ADCK2: variants seen among roughly 807,000 people sequenced by gnomAD.
The protein encoded by ADCK2 is uncharacterized aarF domain-containing protein kinase 2.
A neutral mutation model predicts 52.3 loss-of-function variants in ADCK2; 37 were observed. That is an observed-to-expected ratio of 0.71 (90% CI 0.54 to 0.93). The LOEUF (loss-of-function observed/expected upper bound fraction) is 0.93. Ranked by LOEUF, ADCK2 falls within the 40% of genes least tolerant of loss-of-function variation. The pLI, the probability that ADCK2 is intolerant of heterozygous loss-of-function variation, is 0.00. For missense variants in ADCK2, 695 were observed against 798.7 expected, an observed-to-expected ratio of 0.87 and a Z score of 1.56; for synonymous variants, 321 against 349.2, an observed-to-expected ratio of 0.92 and a Z score of 0.90.
chr7:140,690,110 T>A (rs1234736771), intron 6 of ADCK2, among the ~76,000 whole-genome samples: 2 of 152,216 alleles, frequency 1.3e-5, no homozygotes, highest in Admixed American at 1.3e-4. Context: ...GTGACTGTTT[T>A]ATCCCCAAGT....
rs932557927 is a variant in ADCK2 at position 140,690,800 on chromosome 7, T to C, written c.1727T>C (p.Leu576Pro). The change falls in exon 7 of 8, where the codon CTG becomes CCG. Residue 576 changes from leucine to proline, a missense_variant. Transcript: ENST00000072869. Reference protein sequence around the residue: ...SSLLSSVFKLLMTHKVKLESN... With the variant: ...SSLLSSVFKLPMTHKVKLESN... ...CTTCTCTCTAGTGTCTTTAAGTTGCTGATGACTCACAAGGTGAGGGCCATT... is the reference window on the plus strand; with the variant it reads ...CTTCTCTCTAGTGTCTTTAAGTTGCCGATGACTCACAAGGTGAGGGCCATT... The C allele has an allele frequency of 6.2e-7, 1 of 1,613,674 alleles. No individual in the cohort carries two copies. The highest frequency in any genetic ancestry group is 1.3e-5 in the African/African-American group (1 of 74,860).
intron 4 of ADCK2, among the ~76,000 whole-genome samples, chr7:140,682,748 A>G (rs1321749467): frequency 6.6e-6 from 1 of 150,482 alleles, no homozygotes; most frequent in African/African-American, 2.4e-5. Flanking sequence ...CCAGCACTTC[A>G]GGAGGCTGAG....
rs1794355451 is a variant in ADCK2 at position 140,674,410 on chromosome 7, G to C, written c.933+147G>C. On this transcript the variant is annotated intron_variant, in intron 1 of 7. Transcript: ENST00000072869. This position sits in a 1 kb window ranked among gnomAD's most constrained non-coding sequence, Gnocchi z 4.6. ...TTCATGCAAGCTGTTTCATTTATTGGCTTGAAGTGGCGGTGTGAATAGTCT... is the reference window on the plus strand; with the variant it reads ...TTCATGCAAGCTGTTTCATTTATTGCCTTGAAGTGGCGGTGTGAATAGTCT... The C allele has an allele frequency of 3.6e-6, 4 of 1,119,828 alleles. No individual in the cohort carries two copies. The highest frequency in any genetic ancestry group is 5.0e-6 in the Non-Finnish European group (4 of 807,784). 69.4% of individuals were successfully genotyped at this position (1,119,828 alleles called of 1,614,324 possible). A position where few individuals can be genotyped will look rare whatever the true frequency, so the allele number is the denominator to read the frequency against.
intron 4 of ADCK2, among the ~76,000 whole-genome samples, chr7:140,685,451 G>GAA (rs5887982): frequency 1.5e-5 from 2 of 134,546 alleles, no homozygotes; most frequent in Admixed American, 7.6e-5. Flanking sequence ...CTCAGTCTCA[G>GAA]AAAAAAAAAA....
rs1794763301 is a variant in ADCK2, at chr7:140,694,583, G to A, written c.1741-80G>A. ...GGCAGGTCTGAGGGAGGCTGAGAGT[G>A]GACAGCAAGGTGATTATCCAGAACA... is the stretch of plus-strand genomic sequence containing the variant. On this transcript the variant is annotated intron_variant, in intron 7 of 7. Coordinates refer to ENST00000072869, the MANE Select transcript of ADCK2 (RefSeq NM_052853.4). The A allele has an allele frequency of 5.0e-6, 7 of 1,404,440 alleles. 1 individual carries two copies. In the Middle Eastern group the frequency reaches 5.4e-4, roughly 109 times the overall value. The allele number at this position is 1,404,440 out of a possible 1,614,324, so 87.0% of individuals were successfully genotyped here.
rs1016008666 is a variant in ADCK2 at position 140,673,134 on chromosome 7, C to A, written c.-197C>A. On this transcript the variant is annotated 5_prime_UTR_variant, in exon 1 of 8. Coordinates refer to ENST00000072869, the MANE Select transcript of ADCK2 (RefSeq NM_052853.4). This position sits in a 1 kb window ranked among gnomAD's most constrained non-coding sequence, Gnocchi z 6.4. ...GCCCCTTCCGCGCGGCGCGGCGCGG[C>A]GCGGCGGGTGTCGGGCGGGGCGCGG... The A allele has an allele frequency of 6.0e-5, 18 of 298,042 alleles. No individual in the cohort carries two copies. Among genetic ancestry groups the A allele is most frequent in the African/African-American group, 3.6e-4 (16 of 44,208 alleles). The allele number at this position is 298,042 out of a possible 1,614,324, so 18.5% of individuals were successfully genotyped here.
chr7:140,690,036 G>C (rs796184072), intron 6 of ADCK2, among the ~76,000 whole-genome samples: 3 of 152,108 alleles, frequency 2.0e-5, no homozygotes, highest in African/African-American at 7.2e-5. Context: ...TGCCCAATGC[G>C]CATGTCCCTT....
In ADCK2 at chr7:140,673,951, C is replaced by G. The variant is rs768817660; in HGVS notation, c.621C>G (p.Gly207=). The G allele has an allele frequency of 6.2e-7, 1 of 1,614,018 alleles. No individual in the cohort carries two copies. The highest frequency in any genetic ancestry group is 1.1e-5 in the South Asian group (1 of 91,088). The change falls in exon 1 of 8, where the codon GGC becomes GGG. Residue 207 remains glycine, a synonymous_variant. Coordinates refer to ENST00000072869, the MANE Select transcript of ADCK2 (RefSeq NM_052853.4). The surrounding 1 kb of genome is among the most constrained non-coding windows in gnomAD (Gnocchi z 6.4). ...ILSFENREPV[G]SGCVAQVYKA... ...CTTTTGAGAACCGGGAACCTGTGGGCTCAGGCTGCGTGGCCCAGGTGTACA... is the reference window on the plus strand; with the variant it reads ...CTTTTGAGAACCGGGAACCTGTGGGGTCAGGCTGCGTGGCCCAGGTGTACA...
At position 140,679,276 on chromosome 7, in the gene ADCK2, C is replaced by T. The variant is rs376247400; in HGVS notation, c.1202C>T (p.Thr401Met). The T allele has an allele frequency of 2.5e-6, 4 of 1,613,856 alleles. No homozygotes were observed. Among genetic ancestry groups the T allele is most frequent in the African/African-American group, 1.3e-5 (1 of 74,974 alleles). Residue 401 changes from threonine to methionine, a missense_variant, in exon 3 of 8, where the codon ACG (threonine) becomes ATG (methionine). Thr to Met is a moderately conservative substitution (Grantham distance 81). Coordinates refer to ENST00000072869, the MANE Select transcript of ADCK2 (RefSeq NM_052853.4). Reference protein sequence around the residue: ...PFVTREVLVETYEESVPVSSY... With the variant: ...PFVTREVLVEMYEESVPVSSY... The stretch of plus-strand genomic sequence containing the variant: ...GTCACCAGAGAAGTCTTGGTGGAAA[C>T]GTATGAAGTAAGAGTGATGGCTTTG...
Position 140,693,501 on chromosome 7 carries a change from GT to G in ADCK2, c.1741-1159del, listed in dbSNP as rs1162083174. ...AAAAAGCAGATTCCTGTTCTTCTAG[GT>G]TTACATCTGGCTCTATTCCTCCTCA... On this transcript the variant is annotated intron_variant, in intron 7 of 7. Coordinates refer to ENST00000072869, the MANE Select transcript of ADCK2 (RefSeq NM_052853.4). This position sits in a 1 kb window ranked among gnomAD's most constrained non-coding sequence, Gnocchi z 4.0. Among the ~76,000 whole-genome samples, 2 of 152,100 alleles carry G rather than the reference GT, an allele frequency of 1.3e-5. No individual in the cohort carries two copies. Among genetic ancestry groups the G allele is most frequent in the Non-Finnish European group, 2.9e-5 (2 of 68,032 alleles).
Position 140,674,280 on chromosome 7 carries a change from C to T in ADCK2, c.933+17C>T, listed in dbSNP as rs372666953. 114 of 1,595,264 alleles carry T rather than the reference C, an allele frequency of 7.1e-5. No homozygotes were observed. Among genetic ancestry groups the T allele is most frequent in the Middle Eastern group, 1.7e-4 (1 of 5,992 alleles). On this transcript the variant is annotated intron_variant, in intron 1 of 7. Transcript: ENST00000072869. This position sits in a 1 kb window ranked among gnomAD's most constrained non-coding sequence, Gnocchi z 4.6. Reference sequence around the variant, plus strand: ...GCAGTGAAAGTAAGTGTTGTGAGAGCTCACAGCTCACCTACCCACTGAGCT... The same window carrying T: ...GCAGTGAAAGTAAGTGTTGTGAGAGTTCACAGCTCACCTACCCACTGAGCT...
chr7:140,694,000 C>T lies in ADCK2; in HGVS notation c.1741-663C>T, dbSNP rs959706743. ...CTGGGATTACAGGAGTGAGCCACCA[C>T]GCCCGGCCTGTGTGTTGTCTCTTAA... On this transcript the variant is annotated intron_variant, in intron 7 of 7. Transcript: ENST00000072869. This position sits in a 1 kb window ranked among gnomAD's most constrained non-coding sequence, Gnocchi z 4.0. Among the ~76,000 whole-genome samples the T allele has an allele frequency of 6.6e-5, 10 of 152,112 alleles. No individual in the cohort carries two copies. In the East Asian group the frequency reaches 7.7e-4, roughly 12 times the overall value.
intron 4 of ADCK2, among the ~76,000 whole-genome samples, chr7:140,682,861 C>T (rs929896625): frequency 1.3e-5 from 2 of 149,778 alleles, no homozygotes; most frequent in Admixed American, 6.7e-5. Context: ...AAATTGGCCA[C>T]GTTTGGTGGC....
intron 7 of ADCK2, 46 bp from the exon 8 acceptor site, chr7:140,694,616 CT>C (rs1794765799): frequency 6.4e-7 from 1 of 1,574,384 alleles, no homozygotes; most frequent in Non-Finnish European, 8.7e-7. Flanking sequence ...ACACACGTCC[CT>C]GTATCAGCAT....
At position 140,673,506 on chromosome 7, in the gene ADCK2, AGG is replaced by A; in HGVS notation, c.180_181del (p.Ala61ProfsTer2). On this transcript the variant is annotated frameshift_variant, in exon 1 of 8. Transcript: ENST00000072869. LOFTEE classifies it high-confidence loss of function. This position sits in a 1 kb window ranked among gnomAD's most constrained non-coding sequence, Gnocchi z 6.4. ...GTCTCCCTGTGCGGGGACGTGGGTG[AGG>A]GGGCCCCTGACGTTCTGAGTCGGCG... The A allele has an allele frequency of 6.2e-7, 1 of 1,601,838 alleles. No individual in the cohort carries two copies.
Position 140,693,483 on chromosome 7 carries a change from A to T in ADCK2, c.1741-1180A>T, listed in dbSNP as rs577387321. ...TTGACCTTCTGTCCACTTAAAAAGC[A>T]GATTCCTGTTCTTCTAGGTTTACAT... On this transcript the variant is annotated intron_variant, in intron 7 of 7. Coordinates refer to ENST00000072869, the MANE Select transcript of ADCK2 (RefSeq NM_052853.4). This position sits in a 1 kb window ranked among gnomAD's most constrained non-coding sequence, Gnocchi z 4.0. 6.6e-6 allele frequency among the ~76,000 whole-genome samples: 1 copy of T among 152,244 alleles called. No homozygotes were observed. Among genetic ancestry groups the T allele is most frequent in the Non-Finnish European group, 1.5e-5 (1 of 68,040 alleles).
At chr7:140,688,867 G>A (rs907866288) in intron 5 of ADCK2, among the ~76,000 whole-genome samples, 1 of 152,222 alleles carries the variant, frequency 6.6e-6, no homozygotes, top group Non-Finnish European at 1.5e-5. Flanking sequence ...AAAGCACTAC[G>A]TCGTGGGTGA....
intron 3 of ADCK2, 51 bp downstream of exon 3, chr7:140,679,334 G>C: frequency 3.1e-6 from 5 of 1,605,852 alleles, no homozygotes; most frequent in Non-Finnish European, 4.3e-6. Context: ...CACTCGCAGT[G>C]GGCCCGTCTC....
In ADCK2 at chr7:140,680,538, C is replaced by T. The variant is rs761421150; in HGVS notation, c.1210-504C>T. Among the ~76,000 whole-genome samples, 66 of 151,730 alleles carry T rather than the reference C, an allele frequency of 4.3e-4. 1 individual carries two copies. The highest frequency in any genetic ancestry group is 3.0e-3 in the Admixed American group (45 of 15,216). ...TGATTCTTGCCCAGAAACCAGCTCTCTGGTGCCCACCCCTATCTTTTCAGG... is the reference window on the plus strand; with the variant it reads ...TGATTCTTGCCCAGAAACCAGCTCTTTGGTGCCCACCCCTATCTTTTCAGG... On this transcript the variant is annotated intron_variant, in intron 3 of 7. Transcript: ENST00000072869.
Sources: allele counts gnomAD v4.1 joint callset (sites outside exome capture counted in the v4.1 genomes callset), GRCh38; gene constraint gnomAD v4.1.1; non-coding constraint Gnocchi (gnomAD v3.1); transcripts MANE v1.5; gene names NCBI Gene and HGNC (gene_info 2026-07-23, HGNC 2026-07-21).